DMD: variants seen among roughly 807,000 people sequenced by gnomAD.
DMD encodes the protein mutant dystrophin.
DMD carries 63 observed loss-of-function variants against 330.1 expected under a neutral mutation model. That is an observed-to-expected ratio of 0.19 (90% CI 0.16 to 0.24). DMD has a LOEUF of 0.24. DMD is among the 10% of genes least tolerant of loss of function. The pLI is 1.00. For missense variants in DMD, 3,344 were observed against 2,684.1 expected, an observed-to-expected ratio of 1.25 and a Z score of -5.43; for synonymous variants, 1,223 against 959.8, an observed-to-expected ratio of 1.27 and a Z score of -5.07.
chrX:32,012,879 C>T (rs1191577234), intron 44 of DMD, among the ~76,000 whole-genome samples: 1 of 110,711 alleles, frequency 9.0e-6, no homozygotes, highest in African/African-American at 3.3e-5. Context: ...TCCAGGCAGG[C>T]AAGTATTGTA....
intron 18 of DMD, among the ~76,000 whole-genome samples, chrX:32,511,667 T>C (rs2045352756): frequency 2.7e-5 from 3 of 110,691 alleles, no homozygotes; most frequent in South Asian, 7.8e-4. Flanking sequence ...CCTCTGCCCT[T>C]GACAATATTA....
intron 1 of DMD, among the ~76,000 whole-genome samples, chrX:33,302,920 T>TTTTCCCTGTC (rs2053688144): frequency 8.9e-6 from 1 of 111,956 alleles, no homozygotes; most frequent in Non-Finnish European, 1.9e-5. Flanking sequence ...TCCTCTGGAC[T>TTTTCCCTGTC]CTACGTATTC....
At position 31,121,456 on chromosome X, in the gene DMD, G is replaced by GTGTT. The variant is rs747871149; in HGVS notation, c.*459_*462dup. 9 of 163,523 alleles carry GTGTT rather than the reference G, an allele frequency of 5.5e-5. No homozygotes were observed. Among genetic ancestry groups the GTGTT allele is most frequent in the African/African-American group, 2.3e-4 (7 of 30,870 alleles). The allele number at this position is 163,523 out of a possible 1,213,427, so 13.5% of individuals were successfully genotyped here. A position where few individuals can be genotyped will look rare whatever the true frequency, so the allele number is the denominator to read the frequency against. On this transcript the variant is annotated 3_prime_UTR_variant, in exon 79 of 79. Transcript: ENST00000357033. Reference sequence around the variant, plus strand: ...TGTGTGTGTGTATGTGTGTGTGTGTGTGTTTGTTTTGTTTTTAGGGGTTTT... The same window carrying GTGTT: ...TGTGTGTGTGTATGTGTGTGTGTGTGTGTTTGTTTGTTTTGTTTTTAGGGGTTTT...
chrX:32,488,034 A>C (rs952902759), intron 20 of DMD, among the ~76,000 whole-genome samples: 1 of 100,951 alleles, frequency 9.9e-6, no homozygotes, highest in African/African-American at 4.0e-5. Context: ...TTTCCCGTTC[A>C]GGGGGCTATA....
chrX:33,036,567 T>A (rs2094207123), intron 1 of DMD, among the ~76,000 whole-genome samples: 1 of 110,685 alleles, frequency 9.0e-6, no homozygotes, highest in Non-Finnish European at 1.9e-5. Flanking sequence ...TAGAAAAGAG[T>A]CTCAAAAATT....
intron 1 of DMD, among the ~76,000 whole-genome samples, chrX:33,049,373 A>G (rs989414836): frequency 1.8e-5 from 2 of 111,747 alleles, no homozygotes; most frequent in Non-Finnish European, 3.8e-5. Flanking sequence ...CCCCAGTTAC[A>G]GATTTTACTA....
At chrX:32,231,704 T>C (rs1029353308) in intron 43 of DMD, among the ~76,000 whole-genome samples, 2 of 111,883 alleles carry the variant, frequency 1.8e-5, no homozygotes, top group Non-Finnish European at 3.8e-5. Context: ...CAAGACTGTT[T>C]TTCCTGTGAA....
chrX:32,309,897 T>G (rs2148593541), intron 42 of DMD, among the ~76,000 whole-genome samples, 185 bp downstream of exon 42: 1 of 111,162 alleles, frequency 9.0e-6, no homozygotes, highest in South Asian at 3.7e-4. Context: ...GTAAAATACA[T>G]TTTCTAACTT....
intron 5 of DMD, among the ~76,000 whole-genome samples, chrX:32,818,136 G>A (rs1020352736): frequency 5.4e-5 from 6 of 111,881 alleles, no homozygotes; most frequent in Non-Finnish European, 1.1e-4. Flanking sequence ...GCTAAATTAC[G>A]GTTGGAATCA....
intron 17 of DMD, among the ~76,000 whole-genome samples, chrX:32,534,010 A>G (rs567081586): frequency 2.7e-5 from 3 of 112,103 alleles, no homozygotes; most frequent in African/African-American, 9.7e-5. Flanking sequence ...GTTTCAATCC[A>G]TCTACTGTGT....
At chrX:31,675,577 G>A (rs772997779) in intron 53 of DMD, among the ~76,000 whole-genome samples, 2 of 110,787 alleles carry the variant, frequency 1.8e-5, no homozygotes, top group South Asian at 3.9e-4. Flanking sequence ...TGGTCAGGCC[G>A]GTCTCAAACT....
At chrX:31,709,582 GTC>G (rs755579265) in intron 52 of DMD, among the ~76,000 whole-genome samples, 302 of 75,161 alleles carry the variant, frequency 4.0e-3, no homozygotes, top group African/African-American at 8.6e-3. Flanking sequence ...CTCTCTCTCT[GTC>G]TGTGTGTGTG....
intron 9 of DMD, among the ~76,000 whole-genome samples, chrX:32,694,496 C>T (rs1353810280): frequency 2.7e-5 from 3 of 111,711 alleles, no homozygotes; most frequent in East Asian, 2.8e-4. Context: ...TCCTTGATTT[C>T]TCTAATTATT....
chrX:32,210,827 G>A (rs1463996326), intron 44 of DMD, among the ~76,000 whole-genome samples: 1 of 111,574 alleles, frequency 9.0e-6, no homozygotes, highest in Non-Finnish European at 1.9e-5. Context: ...TGCGAGTGCT[G>A]AAAGCAAGGC....
intron 7 of DMD, among the ~76,000 whole-genome samples, chrX:32,716,685 G>A (rs866865476): frequency 4.5e-5 from 5 of 111,216 alleles, no homozygotes; most frequent in Middle Eastern, 4.7e-3. Context: ...ATGAGGGAAA[G>A]TTTGTAACTT....
chrX:32,624,854 C>G (rs762074509), intron 11 of DMD, among the ~76,000 whole-genome samples: 53 of 112,429 alleles, frequency 4.7e-4, no homozygotes, highest in Non-Finnish European at 7.7e-4. Flanking sequence ...GGAATGCCAG[C>G]TTTGCTTTAC....
Position 32,342,285 on chromosome X carries a change from A to C in DMD, c.5740-3T>G. ...TTCTGCAATTCCCGATCAATTTCCT[A>C]TTGAGCAAAACCAATACAGGGCCCA... is the stretch of plus-strand genomic sequence containing the variant. On this transcript the variant is annotated splice_region_variant and splice_polypyrimidine_tract_variant and intron_variant, in intron 40 of 78. Coordinates refer to ENST00000357033, the MANE Select transcript of DMD (RefSeq NM_004006.3). The C allele has an allele frequency of 8.3e-7, 1 of 1,210,773 alleles. No homozygotes were observed. The highest frequency in any genetic ancestry group is 1.1e-6 in the Non-Finnish European group (1 of 895,258).
At chrX:32,598,020 A>G (rs911571896) in intron 12 of DMD, among the ~76,000 whole-genome samples, 2 of 112,268 alleles carry the variant, frequency 1.8e-5, no homozygotes, top group African/African-American at 3.2e-5. Context: ...TAGGTATTCA[A>G]ACTCTATGGC....
intron 11 of DMD, 106 bp from the exon 12 acceptor site, chrX:32,614,559 G>T: frequency 1.4e-6 from 1 of 693,615 alleles, no homozygotes; most frequent in Non-Finnish European, 2.2e-6. Flanking sequence ...GTTCGCATTT[G>T]GGGGCATCTA....
Sources: gnomAD v4.1 joint callset for allele counts (sites outside exome capture counted in the v4.1 genomes callset) on GRCh38, gnomAD v4.1.1 for gene constraint, MANE v1.5 for transcripts, NCBI Gene and HGNC (gene_info 2026-07-23, HGNC 2026-07-21) for gene names.